CDC42BPA: variants seen among roughly 807,000 people sequenced by gnomAD.
CDC42BPA encodes the protein serine/threonine-protein kinase MRCK alpha.
In CDC42BPA, 80 loss-of-function variants were observed where a neutral mutation model predicts 223.5. That is an observed-to-expected ratio of 0.36 (90% CI 0.30 to 0.43). The LOEUF is 0.43. Ranked by LOEUF, CDC42BPA falls within the 20% of genes least tolerant of loss-of-function variation. CDC42BPA has a pLI of 1.00. For synonymous variants in CDC42BPA, 694 were observed against 718.6 expected (o/e 0.97, Z 0.55); for missense variants, 1,743 against 2,099.9 (o/e 0.83, Z 3.32).
intron 3 of CDC42BPA, among the ~76,000 whole-genome samples, chr1:227,203,673 G>A (rs949071569): frequency 1.3e-5 from 2 of 151,998 alleles, no homozygotes; most frequent in Non-Finnish European, 2.9e-5. Context: ...TCACTTCCTC[G>A]GATTCACTCA....
In CDC42BPA at chr1:227,284,962, C is replaced by CAAAA. The variant is rs34475633; in HGVS notation, c.179-30808_179-30807insTTTT. Among the ~76,000 whole-genome samples the CAAAA allele has an allele frequency of 7.7e-5, 10 of 130,274 alleles. 2 individuals are homozygous for CAAAA. The highest frequency in any genetic ancestry group is 2.3e-4 in the African/African-American group (8 of 34,804). 85.5% of individuals were successfully genotyped at this position (130,274 alleles called of 152,430 possible). A position where few individuals can be genotyped will look rare whatever the true frequency, so the allele number is the denominator to read the frequency against. ...TGGGTGACAGAGTGAGACCCCATCT[C>CAAAA]ACAAAAAAAAAAAAATAATCCCCTT... On this transcript the variant is annotated intron_variant, in intron 1 of 36. Transcript: ENST00000366766.
At position 226,992,440 on chromosome 1, in the gene CDC42BPA, T is replaced by C. The variant is rs1256103141; in HGVS notation, c.*1828A>G. 6.6e-6 allele frequency: 1 copy of C among 152,316 alleles called. No homozygotes were observed. The highest frequency in any genetic ancestry group is 6.5e-5 in the Admixed American group (1 of 15,284). The allele number at this position is 152,316 out of a possible 1,614,324, so 9.4% of individuals were successfully genotyped here. A position where few individuals can be genotyped will look rare whatever the true frequency, so the allele number is the denominator to read the frequency against. ...CAGGATCCTTTCTTCCCTCACTGCA[T>C]CTCAGAACCTTCTCCACACAGCAGC... On this transcript the variant is annotated 3_prime_UTR_variant, in exon 37 of 37. Transcript: ENST00000366766.
chr1:227,191,426 TAC>T, intron 5 of CDC42BPA, among the ~76,000 whole-genome samples: 1 of 151,782 alleles, frequency 6.6e-6, no homozygotes, highest in East Asian at 1.9e-4. Context: ...ATGGAATAAA[TAC>T]GATTCATTTA....
At chr1:227,151,233 C>A (rs973406277) in intron 6 of CDC42BPA, among the ~76,000 whole-genome samples, 7 of 152,118 alleles carry the variant, frequency 4.6e-5, no homozygotes, top group African/African-American at 1.4e-4. Context: ...AGTTATCTCA[C>A]ATAAGTGGAA....
At chr1:227,235,971 T>C (rs1274140208) in intron 2 of CDC42BPA, among the ~76,000 whole-genome samples, 1 of 152,250 alleles carries the variant, frequency 6.6e-6, no homozygotes, top group Non-Finnish European at 1.5e-5. Flanking sequence ...GCTTTTTAAA[T>C]GAAGAAAGCC....
In CDC42BPA at chr1:227,028,231, A is replaced by AT. The variant is rs553649597; in HGVS notation, c.4432+425_4432+426insA. The stretch of plus-strand genomic sequence containing the variant: ...TCTAGATAAAAGTGGAAAACTGAAA[A>AT]AACACCTCTTATAGATGTTACATTA... On this transcript the variant is annotated intron_variant, in intron 30 of 36. Coordinates refer to ENST00000366766, the MANE Select transcript of CDC42BPA (RefSeq NM_001394014.1). 1.8e-4 allele frequency among the ~76,000 whole-genome samples: 27 copies of AT among 152,320 alleles called. No homozygotes were observed. In the East Asian group the frequency reaches 4.8e-3, roughly 27 times the overall value.
At chr1:227,210,798 T>C (rs1183735178) in intron 3 of CDC42BPA, among the ~76,000 whole-genome samples, 1 of 152,228 alleles carries the variant, frequency 6.6e-6, no homozygotes, top group Non-Finnish European at 1.5e-5. Context: ...TAGCTGCTGA[T>C]GCTGTCACAC....
intron 23 of CDC42BPA, among the ~76,000 whole-genome samples, chr1:227,043,299 G>C (rs1671759838): frequency 6.6e-6 from 1 of 151,592 alleles, no homozygotes; most frequent in South Asian, 2.1e-4. Flanking sequence ...TATAGTCCCA[G>C]CTACTCGGGA....
chr1:227,170,848 C>T (rs1462390707), intron 5 of CDC42BPA, among the ~76,000 whole-genome samples: 2 of 152,162 alleles, frequency 1.3e-5, no homozygotes, highest in Non-Finnish European at 2.9e-5. Flanking sequence ...GGTGTTAACC[C>T]CTAATAAATA....
Position 227,204,536 on chromosome 1 carries a change from T to C in CDC42BPA, c.355-4884A>G, listed in dbSNP as rs143391505. 2.8e-3 allele frequency among the ~76,000 whole-genome samples: 424 copies of C among 152,288 alleles called. 3 individuals carry two copies. The highest frequency in any genetic ancestry group is 9.9e-3 in the African/African-American group (411 of 41,570). On this transcript the variant is annotated intron_variant, in intron 3 of 36. Coordinates refer to ENST00000366766, the MANE Select transcript of CDC42BPA (RefSeq NM_001394014.1). Reference sequence around the variant, plus strand: ...TTTAATTTAGGGAGTGGATAAGTTCTAGGTCAAGCATAAAATGATAATCCC... The same window carrying C: ...TTTAATTTAGGGAGTGGATAAGTTCCAGGTCAAGCATAAAATGATAATCCC...
intron 21 of CDC42BPA, among the ~76,000 whole-genome samples, chr1:227,060,716 A>AGTTTTTTTTTTTTTTTTTTTTTTT (rs1373925166): frequency 3.2e-5 from 4 of 126,526 alleles, no homozygotes; most frequent in Non-Finnish European, 3.3e-5. Flanking sequence ...GTAAATAGGT[A>AGTTTTTTTTTTTTTTTTTTTTTTT]CTTTTTTTTT....
chr1:227,293,520 TA>T (rs34855867), intron 1 of CDC42BPA, among the ~76,000 whole-genome samples: 42,836 of 143,288 alleles, frequency 0.3, 6,969 homozygotes, highest in East Asian at 0.5. Context: ...GTAAAGTCAT[TA>T]AAAAAAAAAA....
intron 8 of CDC42BPA, among the ~76,000 whole-genome samples, chr1:227,144,152 G>A (rs6426568): frequency 2.0e-5 from 3 of 152,254 alleles, no homozygotes; most frequent in Admixed American, 2.0e-4. Flanking sequence ...AACGTGTACC[G>A]ATTATGTACC....
At chr1:227,153,411 TA>T (rs1206611619) in intron 6 of CDC42BPA, among the ~76,000 whole-genome samples, 13 of 151,850 alleles carry the variant, frequency 8.6e-5, no homozygotes, top group Non-Finnish European at 1.8e-4. Context: ...CTATGAATAT[TA>T]AAAAGGCATA....
rs1558318708 is a variant in CDC42BPA, at chr1:227,028,803, T to C, written c.4286A>G (p.His1429Arg). 1.9e-6 allele frequency: 3 copies of C among 1,614,088 alleles called. No homozygotes were observed. The highest frequency in any genetic ancestry group is 2.2e-5 in the South Asian group (2 of 91,078). ...TGCGCAGATAGCATCCATTGGTTGA[T>C]GTGCAATAAATGATAGTGTATGGTC... is the stretch of plus-strand genomic sequence containing the variant. ...SNDHTLSFIA[H>R]QPMDAICAVE... Residue 1429 changes from histidine (H) to arginine (R), a missense_variant, in exon 30 of 37, where the codon CAT becomes CGT. By Grantham distance (29) the His-to-Arg change is conservative (BLOSUM62 0). Coordinates refer to ENST00000366766, the MANE Select transcript of CDC42BPA (RefSeq NM_001394014.1).
intron 35 of CDC42BPA, among the ~76,000 whole-genome samples, chr1:227,002,098 T>TA (rs1386748951): frequency 6.6e-6 from 1 of 152,206 alleles, no homozygotes; most frequent in Non-Finnish European, 1.5e-5. Context: ...CGTGGGAACT[T>TA]AATGTGTTTG....
At chr1:227,298,020 C>G (rs1413125869) in intron 1 of CDC42BPA, among the ~76,000 whole-genome samples, 3 of 145,914 alleles carry the variant, frequency 2.1e-5, no homozygotes, top group African/African-American at 7.6e-5. Flanking sequence ...ATAATATATA[C>G]ATACATAAAT....
chr1:227,144,144 C>T (rs1005402417), intron 8 of CDC42BPA, among the ~76,000 whole-genome samples: 5 of 152,006 alleles, frequency 3.3e-5, no homozygotes, highest in Admixed American at 2.6e-4. Flanking sequence ...AGTTATATAA[C>T]GTGTACCGAT....
At chr1:227,180,108 A>C (rs1667688191) in intron 5 of CDC42BPA, among the ~76,000 whole-genome samples, 1 of 152,140 alleles carries the variant, frequency 6.6e-6, no homozygotes, top group South Asian at 2.1e-4. Flanking sequence ...CAGGAGGCTG[A>C]GGCACGAGAC....
Sources: allele counts gnomAD v4.1 joint callset (sites outside exome capture counted in the v4.1 genomes callset), GRCh38; gene constraint gnomAD v4.1.1; transcripts MANE v1.5; gene names NCBI Gene and HGNC (gene_info 2026-07-23, HGNC 2026-07-21).